The following MAP7 variants were observed in gnomAD, a reference collection of about 807,000 sequenced individuals.
MAP7 encodes the protein microtubule associated protein 7, also known as ensconsin.
Under a neutral mutation model 94.8 loss-of-function variants are expected in MAP7, and 52 were observed. The observed-to-expected ratio is 0.55, with a 90% CI of 0.44 to 0.69. The LOEUF is 0.69. Ranked by LOEUF, MAP7 falls within the 30% of genes least tolerant of loss-of-function variation. The pLI is 0.00. For missense variants in MAP7, 940 were observed against 964.6 expected, an observed-to-expected ratio of 0.97 and a Z score of 0.34; for synonymous variants, 350 against 357.0, an observed-to-expected ratio of 0.98 and a Z score of 0.22.
At chr6:136,354,118 ATAT>A in intron 16 of MAP7, among the ~76,000 whole-genome samples, 1 of 58,356 alleles carries the variant, frequency 1.7e-5, no homozygotes, top group Non-Finnish European at 3.8e-5. Flanking sequence ...ATATATATAT[ATAT>A]ATTATATATA....
intron 1 of MAP7, among the ~76,000 whole-genome samples, chr6:136,489,214 TG>T (rs1250719465): frequency 6.6e-6 from 1 of 152,194 alleles, no homozygotes; most frequent in African/African-American, 2.4e-5. Flanking sequence ...TGCCATCTGT[TG>T]GGGGGAAGGG....
rs1562422460 is a variant in MAP7, at chr6:136,456,828, A to AGAAGAAGAAG, written c.68-35039_68-35030dup. On this transcript the variant is annotated intron_variant, in intron 1 of 17. Coordinates refer to ENST00000354570, the MANE Select transcript of MAP7 (RefSeq NM_003980.6). ...AGAAGAAGAAGAAGAAGAAGGAAGAAGAAGAAGAAGAAGAAGAAGAGGAAG... is the reference window on the plus strand; with the variant it reads ...AGAAGAAGAAGAAGAAGAAGGAAGAAGAAGAAGAAGGAAGAAGAAGAAGAAGAAGAGGAAG... Among the ~76,000 whole-genome samples, 3 of 123,644 alleles carry AGAAGAAGAAG rather than the reference A, an allele frequency of 2.4e-5. No homozygotes were observed. In the East Asian group the frequency reaches 6.9e-4, roughly 28 times the overall value. The allele number at this position is 123,644 out of a possible 152,430, so 81.1% of individuals were successfully genotyped here.
chr6:136,459,136 G>A (rs1443617484), intron 1 of MAP7, among the ~76,000 whole-genome samples: 1 of 152,054 alleles, frequency 6.6e-6, no homozygotes, highest in Non-Finnish European at 1.5e-5. Flanking sequence ...TGGCCAACAG[G>A]TATGTGAAAA....
At chr6:136,434,847 G>A (rs1795950090) in intron 1 of MAP7, among the ~76,000 whole-genome samples, 1 of 152,208 alleles carries the variant, frequency 6.6e-6, no homozygotes, top group South Asian at 2.1e-4. Context: ...AACAGTAGCA[G>A]GTCGGAGGAG....
intron 1 of MAP7, among the ~76,000 whole-genome samples, chr6:136,462,313 C>T (rs1442086468): frequency 6.6e-6 from 1 of 152,148 alleles, no homozygotes; most frequent in African/African-American, 2.4e-5. Flanking sequence ...ATATCTTAGA[C>T]TATAAATGGT....
chr6:136,377,913 G>T, intron 6 of MAP7, 45 bp from the exon 7 acceptor site: 1 of 1,371,126 alleles, frequency 7.3e-7, no homozygotes, highest in South Asian at 1.2e-5. Context: ...ATTCTTTTCA[G>T]AGTCAAGAGG....
At chr6:136,492,643 A>G (rs904808429) in intron 1 of MAP7, among the ~76,000 whole-genome samples, 52 of 152,234 alleles carry the variant, frequency 3.4e-4, no homozygotes, top group Non-Finnish European at 7.3e-4. Flanking sequence ...TTTTGAAATT[A>G]CAGTATAAAG....
At chr6:136,426,095 T>C (rs1478335414) in intron 1 of MAP7, among the ~76,000 whole-genome samples, 2 of 152,178 alleles carry the variant, frequency 1.3e-5, no homozygotes, top group Non-Finnish European at 2.9e-5. Flanking sequence ...TGAAATACTA[T>C]CTGTACATCA....
At chr6:136,487,311 T>C (rs1289839438) in intron 1 of MAP7, among the ~76,000 whole-genome samples, 2 of 152,186 alleles carry the variant, frequency 1.3e-5, no homozygotes, top group East Asian at 1.9e-4. Flanking sequence ...ACACATACGA[T>C]AGAGTTTATA....
chr6:136,530,930 C>A (rs1828429905), intron 1 of MAP7, among the ~76,000 whole-genome samples: 1 of 144,674 alleles, frequency 6.9e-6, no homozygotes, highest in Admixed American at 6.8e-5. Context: ...CTTCATGGTG[C>A]CTACAGAGTC....
intron 1 of MAP7, among the ~76,000 whole-genome samples, chr6:136,498,673 T>G (rs1818989927): frequency 6.6e-6 from 1 of 151,788 alleles, no homozygotes; most frequent in South Asian, 2.1e-4. Context: ...ATGGAGGAGA[T>G]GAAAGACTGT....
chr6:136,444,437 T>C (rs1200550612), intron 1 of MAP7, among the ~76,000 whole-genome samples: 1 of 152,248 alleles, frequency 6.6e-6, no homozygotes, highest in Non-Finnish European at 1.5e-5. Context: ...CCCATATTTA[T>C]CTTTCAATCT....
intron 2 of MAP7, among the ~76,000 whole-genome samples, chr6:136,413,495 G>A (rs2128746042): frequency 6.7e-6 from 1 of 149,520 alleles, no homozygotes; most frequent in South Asian, 2.1e-4. Flanking sequence ...CTGCACTCCA[G>A]CCTGGGAGAC....
chr6:136,344,567 C>T (rs1787165541), intron 17 of MAP7, among the ~76,000 whole-genome samples: 1 of 152,144 alleles, frequency 6.6e-6, no homozygotes, highest in Non-Finnish European at 1.5e-5. Flanking sequence ...GGGTTCTAAA[C>T]ATATGTTGGA....
chr6:136,424,394 G>A (rs1186048900), intron 1 of MAP7, among the ~76,000 whole-genome samples: 1 of 151,476 alleles, frequency 6.6e-6, no homozygotes, highest in Non-Finnish European at 1.5e-5. Context: ...CTAGCCTTAT[G>A]AAATCTTTAT....
In MAP7 at chr6:136,461,561, A is replaced by G. The variant is rs936120152; in HGVS notation, c.68-39762T>C. 3.9e-5 allele frequency among the ~76,000 whole-genome samples: 6 copies of G among 152,284 alleles called. No homozygotes were observed. In the East Asian group the frequency reaches 9.7e-4, roughly 25 times the overall value. Reference sequence around the variant, plus strand: ...GGTCCTTCATCGCATGTTACTTGCTATTCAGGCCACATGAGTTTATTGTCT... The same window carrying G: ...GGTCCTTCATCGCATGTTACTTGCTGTTCAGGCCACATGAGTTTATTGTCT... On this transcript the variant is annotated intron_variant, in intron 1 of 17. Transcript: ENST00000354570.
chr6:136,358,826 C>T (rs1365845633), intron 15 of MAP7, among the ~76,000 whole-genome samples: 2 of 152,174 alleles, frequency 1.3e-5, no homozygotes, highest in Admixed American at 6.5e-5. Flanking sequence ...ATGAAGACCA[C>T]GAAGGATCAC....
chr6:136,458,718 C>T (rs1168781324), intron 1 of MAP7, among the ~76,000 whole-genome samples: 1 of 151,910 alleles, frequency 6.6e-6, no homozygotes, highest in Non-Finnish European at 1.5e-5. Context: ...TATCCGCATG[C>T]TTAAGGAAGA....
At chr6:136,539,525 C>T (rs1484531591) in intron 1 of MAP7, among the ~76,000 whole-genome samples, 3 of 152,220 alleles carry the variant, frequency 2.0e-5, no homozygotes, top group Non-Finnish European at 4.4e-5. Context: ...CTACTGACCT[C>T]TTCATTTTTG....
Sources: gnomAD v4.1 joint callset for allele counts (sites outside exome capture counted in the v4.1 genomes callset) on GRCh38, gnomAD v4.1.1 for gene constraint, MANE v1.5 for transcripts, NCBI Gene and HGNC (gene_info 2026-07-23, HGNC 2026-07-21) for gene names.